The following VGLL4 variants were observed in gnomAD, a reference collection of about 807,000 sequenced individuals.
The protein encoded by VGLL4 is vestigial like family member 4.
In VGLL4, 7 loss-of-function variants were observed where a neutral mutation model predicts 21.0. That is an observed-to-expected ratio of 0.33 (90% CI 0.19 to 0.63). The LOEUF is 0.63. Among genes scored for constraint, VGLL4 ranks in the 20% least tolerant of loss-of-function variants. The probability of loss-of-function intolerance (pLI) is 0.78; values close to 1 mark genes in which losing one functional copy is unlikely to be tolerated. For missense variants in VGLL4, 394 were observed against 425.7 expected, an observed-to-expected ratio of 0.93 and a Z score of 0.66; for synonymous variants, 222 against 173.2, an observed-to-expected ratio of 1.28 and a Z score of -2.21.
intron 2 of VGLL4, among the ~76,000 whole-genome samples, chr3:11,667,106 C>G (rs1440483605): frequency 6.6e-6 from 1 of 152,242 alleles, no homozygotes; most frequent in Non-Finnish European, 1.5e-5. Context: ...ATTTCTATCT[C>G]TGGCCTCTTT....
chr3:11,626,466 T>C, intron 1 of VGLL4: 1 of 453,496 alleles, frequency 2.2e-6, no homozygotes, highest in African/African-American at 2.0e-5. Flanking sequence ...GTTGTTTTGG[T>C]TTTTTCTCAT....
chr3:11,703,076 A>G, intron 1 of VGLL4: 1 of 1,573,778 alleles, frequency 6.4e-7, no homozygotes, highest in Middle Eastern at 1.7e-4. Flanking sequence ...AGGGGAAAAA[A>G]TAATTTAAAC....
At chr3:11,655,080 T>C (rs987982120) in intron 2 of VGLL4, among the ~76,000 whole-genome samples, 3 of 152,198 alleles carry the variant, frequency 2.0e-5, no homozygotes, top group Admixed American at 2.0e-4. Flanking sequence ...ATCCACCCAC[T>C]ATTAGAGCAG....
chr3:11,604,795 A>G (rs1371688645), intron 1 of VGLL4, among the ~76,000 whole-genome samples: 1 of 144,002 alleles, frequency 6.9e-6, no homozygotes, highest in Non-Finnish European at 1.5e-5. Context: ...ACAAGTGACC[A>G]ACCAACTAAC....
chr3:11,608,266 T>C (rs559842840), intron 1 of VGLL4, among the ~76,000 whole-genome samples: 2 of 152,358 alleles, frequency 1.3e-5, no homozygotes, highest in African/African-American at 4.8e-5. Context: ...TAAAGAAGTT[T>C]TATTTTTTAA....
intron 2 of VGLL4, among the ~76,000 whole-genome samples, chr3:11,578,612 T>A (rs1217560852): frequency 1.3e-5 from 2 of 150,312 alleles, no homozygotes; most frequent in Non-Finnish European, 3.0e-5. Context: ...AAAAAAAAAG[T>A]AATAATAATA....
chr3:11,598,092 C>T (rs1050127610), intron 2 of VGLL4, among the ~76,000 whole-genome samples: 9 of 152,080 alleles, frequency 5.9e-5, no homozygotes, highest in African/African-American at 2.2e-4. Flanking sequence ...GGCATGATCT[C>T]GGCTCACTGC....
intron 2 of VGLL4, chr3:11,671,460 T>G: frequency 1.4e-6 from 1 of 718,970 alleles, no homozygotes; most frequent in Non-Finnish European, 2.5e-6. Flanking sequence ...TCGCCGGGGA[T>G]TGGTCCCAGG....
chr3:11,709,683 A>G (rs1401830172), intron 1 of VGLL4, among the ~76,000 whole-genome samples: 1 of 152,066 alleles, frequency 6.6e-6, no homozygotes, highest in African/African-American at 2.4e-5. Context: ...GTTCTTCCAA[A>G]TAACTAAAGG....
In VGLL4 at chr3:11,568,634, G is replaced by A; in HGVS notation, c.273-3615C>T. The A allele has an allele frequency of 1.3e-6, 2 of 1,569,474 alleles. No homozygotes were observed. Among genetic ancestry groups the A allele is most frequent in the Non-Finnish European group, 8.7e-7 (1 of 1,155,492 alleles). The stretch of plus-strand genomic sequence containing the variant: ...CCAGCTCATTTTCCTGGTTCCCGGA[G>A]CTTCAAGACAGACATTGTTTTCCAG... On this transcript the variant is annotated intron_variant, in intron 2 of 4. Coordinates refer to ENST00000430365, the MANE Select transcript of VGLL4 (RefSeq NM_001128219.3). The surrounding 1 kb of genome is among the most constrained non-coding windows in gnomAD (Gnocchi z 5.9).
At chr3:11,561,133 C>T (rs986915321) in intron 3 of VGLL4, among the ~76,000 whole-genome samples, 13 of 146,920 alleles carry the variant, frequency 8.8e-5, no homozygotes, top group Admixed American at 1.3e-4. Context: ...AGACCCCCCC[C>T]CAGGGTCCTC....
At chr3:11,619,156 G>A (rs2075217891) in intron 1 of VGLL4, among the ~76,000 whole-genome samples, 1 of 152,216 alleles carries the variant, frequency 6.6e-6, no homozygotes, top group Non-Finnish European at 1.5e-5. Context: ...GATGGAAGAT[G>A]AAAGGCTTGC....
chr3:11,605,382 C>G (rs2074916717), intron 1 of VGLL4, among the ~76,000 whole-genome samples: 1 of 149,590 alleles, frequency 6.7e-6, no homozygotes, highest in Non-Finnish European at 1.5e-5. Flanking sequence ...CCCCAGATAT[C>G]CAGTGACTGC....
rs1268650011 is a variant in VGLL4, at chr3:11,595,091, G to A, written c.272+6742C>T. On this transcript the variant is annotated intron_variant, in intron 2 of 4. Transcript: ENST00000430365. The stretch of plus-strand genomic sequence containing the variant: ...CAGGAGAATCGCTGGAACCCAGGAG[G>A]TGGAGGTTGTGGTGAGCCGAGATTG... Among the ~76,000 whole-genome samples the A allele has an allele frequency of 5.3e-5, 8 of 152,352 alleles. No homozygotes were observed. The East Asian group carries it at 1.5e-3, about 29-fold the overall frequency.
chr3:11,680,944 G>A lies in VGLL4; in HGVS notation c.64+22027C>T, dbSNP rs55831415. 2.9e-3 allele frequency among the ~76,000 whole-genome samples: 440 copies of A among 152,270 alleles called. 4 individuals are homozygous for A. Among genetic ancestry groups the A allele is most frequent in the African/African-American group, 0.01 (417 of 41,562 alleles). On this transcript the variant is annotated intron_variant, in intron 2 of 5. Transcript: ENST00000273038. ...ATCCCCGCCGTGAAGCTGCCTACACGATTTCAATGGGAGCCTCCCACTCCC... is the reference window on the plus strand; with the variant it reads ...ATCCCCGCCGTGAAGCTGCCTACACAATTTCAATGGGAGCCTCCCACTCCC...
intron 1 of VGLL4, among the ~76,000 whole-genome samples, chr3:11,605,250 C>A (rs1207263639): frequency 1.5e-3 from 41 of 26,794 alleles, no homozygotes; most frequent in East Asian, 0.013. Context: ...CCCCAATCCT[C>A]CACAGCTCTG....
chr3:11,641,217 ATAAT>A (rs1454411523), intron 1 of VGLL4, among the ~76,000 whole-genome samples: 2 of 152,164 alleles, frequency 1.3e-5, no homozygotes, highest in Non-Finnish European at 2.9e-5. Context: ...GCTGGTAAGA[ATAAT>A]TAACCATCCG....
At chr3:11,702,824 G>T in intron 2 of VGLL4, 1 of 488,064 alleles carries the variant, frequency 2.0e-6, no homozygotes, top group Non-Finnish European at 3.4e-6. Context: ...AAATGAGGAT[G>T]TGAAGCTGTT....
chr3:11,686,219 T>C (rs1177548952), intron 2 of VGLL4, among the ~76,000 whole-genome samples: 2 of 152,096 alleles, frequency 1.3e-5, no homozygotes, highest in Non-Finnish European at 2.9e-5. Flanking sequence ...TCAGAAAAAA[T>C]ATTTGCACAC....
Sources: gnomAD v4.1 joint callset for allele counts (sites outside exome capture counted in the v4.1 genomes callset) on GRCh38, gnomAD v4.1.1 for gene constraint, Gnocchi (gnomAD v3.1) non-coding constraint, MANE v1.5 for transcripts, NCBI Gene and HGNC (gene_info 2026-07-23, HGNC 2026-07-21) for gene names.